The following PSMA1 variants were observed in gnomAD, a reference collection of about 807,000 sequenced individuals.
The protein encoded by PSMA1 is proteasome 20S subunit alpha 1, also known as proteasome subunit alpha type-1.
In PSMA1, 3 loss-of-function variants were observed where a neutral mutation model predicts 38.4. The ratio of observed to expected loss-of-function variants is 0.08; its 90% CI spans 0.04 to 0.20. The LOEUF is 0.20. Ranked by LOEUF, PSMA1 falls within the 10% of genes least tolerant of loss-of-function variation. The probability of loss-of-function intolerance (pLI) is 1.00; values close to 1 mark genes in which losing one functional copy is unlikely to be tolerated. For synonymous variants in PSMA1, 101 were observed against 107.1 expected (o/e 0.94, Z 0.35); for missense variants, 227 against 325.3 (o/e 0.70, Z 2.32).
At chr11:14,600,294 A>G (rs1470667958) in intron 2 of PSMA1, among the ~76,000 whole-genome samples, 3 of 152,160 alleles carry the variant, frequency 2.0e-5, no homozygotes, top group Non-Finnish European at 4.4e-5. Context: ...TGAGACAGGG[A>G]CGTTTAAGTC....
At chr11:14,591,840 C>T (rs1021919218) in intron 2 of PSMA1, among the ~76,000 whole-genome samples, 3 of 152,142 alleles carry the variant, frequency 2.0e-5, no homozygotes, top group African/African-American at 7.2e-5. Flanking sequence ...GCAGGCTGCC[C>T]CAGCCAGCAG....
intron 9 of PSMA1, among the ~76,000 whole-genome samples, chr11:14,507,302 G>A (rs929098416): frequency 6.6e-6 from 1 of 151,886 alleles, no homozygotes; most frequent in Non-Finnish European, 1.5e-5. Flanking sequence ...TGAGTAGCTG[G>A]GACTACAGGT....
intron 2 of PSMA1, among the ~76,000 whole-genome samples, chr11:14,607,152 C>T (rs1852653500): frequency 6.6e-6 from 1 of 152,174 alleles, no homozygotes; most frequent in Non-Finnish European, 1.5e-5. Flanking sequence ...GAGAGGTTGG[C>T]AGAGAGCCGA....
intron 1 of PSMA1, among the ~76,000 whole-genome samples, chr11:14,621,556 C>T (rs1447509817): frequency 6.6e-6 from 1 of 152,156 alleles, no homozygotes; most frequent in Non-Finnish European, 1.5e-5. Context: ...CAGGCATGAG[C>T]CACCACATTT....
At chr11:14,629,214 T>G (rs1003240643) in intron 1 of PSMA1, among the ~76,000 whole-genome samples, 113 of 152,300 alleles carry the variant, frequency 7.4e-4, no homozygotes, top group African/African-American at 2.5e-3. Context: ...GCCATTGCTT[T>G]TGGTGTTTTA....
At position 14,513,589 on chromosome 11, in the gene PSMA1, A is replaced by T; in HGVS notation, c.525T>A (p.His175Gln). ...ACTTACACTCCATAAATTCAGACAT[A>T]TGTCTCTCCAAGTAAGTACGAGCTG... ...SQSARTYLER[H>Q]MSEFMECNLN... The change falls in exon 7 of 10, where the codon CAT (histidine) becomes CAA (glutamine). Residue 175 changes from histidine (H) to glutamine (Q), a missense_variant. Coordinates refer to ENST00000396394, the MANE Select transcript of PSMA1 (RefSeq NM_002786.4). 1 of 1,553,824 alleles carries T rather than the reference A, an allele frequency of 6.4e-7. No individual in the cohort carries two copies.
intron 2 of PSMA1, among the ~76,000 whole-genome samples, chr11:14,541,914 T>C (rs1474423732): frequency 6.6e-6 from 1 of 152,236 alleles, no homozygotes; most frequent in Non-Finnish European, 1.5e-5. Context: ...GCAAATATAT[T>C]GCCGCTTTTT....
chr11:14,512,702 T>C (rs1851364650), intron 7 of PSMA1, among the ~76,000 whole-genome samples: 1 of 152,184 alleles, frequency 6.6e-6, no homozygotes, highest in Non-Finnish European at 1.5e-5. Flanking sequence ...CTGGACTGTA[T>C]TTTTCCTTAA....
intron 1 of PSMA1, among the ~76,000 whole-genome samples, chr11:14,625,996 C>T (rs1852905164): frequency 6.6e-6 from 1 of 152,078 alleles, no homozygotes; most frequent in African/African-American, 2.4e-5. Flanking sequence ...ATGTAGTATA[C>T]AATGTTGACT....
chr11:14,558,284 TG>T (rs1044026363), intron 2 of PSMA1, among the ~76,000 whole-genome samples: 1 of 144,072 alleles, frequency 6.9e-6, no homozygotes, highest in African/African-American at 2.6e-5. Flanking sequence ...CTGTGCATGG[TG>T]GCACACATCT....
intron 2 of PSMA1, among the ~76,000 whole-genome samples, chr11:14,568,053 G>C (rs1365796070): frequency 6.6e-6 from 1 of 152,150 alleles, no homozygotes; most frequent in Non-Finnish European, 1.5e-5. Context: ...GTGACCAGAG[G>C]CTTGCAGGAA....
intron 1 of PSMA1, among the ~76,000 whole-genome samples, chr11:14,614,131 CAA>C (rs2134200022): frequency 6.6e-6 from 1 of 151,936 alleles, no homozygotes; most frequent in African/African-American, 2.4e-5. Context: ...ACAAAATAAC[CAA>C]GTGTTAAATA....
At chr11:14,541,424 G>A (rs770799534) in intron 2 of PSMA1, among the ~76,000 whole-genome samples, 6 of 152,304 alleles carry the variant, frequency 3.9e-5, no homozygotes, top group Non-Finnish European at 8.8e-5. Context: ...TTGTGCAGGC[G>A]CACACAGAAC....
chr11:14,518,654 A>G (rs374670147), intron 2 of PSMA1, among the ~76,000 whole-genome samples: 3 of 152,044 alleles, frequency 2.0e-5, no homozygotes, highest in Non-Finnish European at 4.4e-5. Flanking sequence ...CTCAACCTAC[A>G]TATTTGCTAC....
At chr11:14,551,386 T>G (rs982899804) in intron 2 of PSMA1, among the ~76,000 whole-genome samples, 1 of 152,208 alleles carries the variant, frequency 6.6e-6, no homozygotes. Flanking sequence ...AAAATCATCC[T>G]GAAGAGACAT....
At chr11:14,618,655 T>G (rs1852804783) in intron 1 of PSMA1, among the ~76,000 whole-genome samples, 1 of 152,238 alleles carries the variant, frequency 6.6e-6, no homozygotes, top group East Asian at 1.9e-4. Flanking sequence ...CCTACTGCAT[T>G]ACATTATAGA....
intron 1 of PSMA1, among the ~76,000 whole-genome samples, chr11:14,627,938 G>A (rs1485854581): frequency 6.6e-6 from 1 of 152,026 alleles, no homozygotes; most frequent in Admixed American, 6.6e-5. Context: ...TTAGGACAGG[G>A]ATCCTCAACC....
chr11:14,589,546 C>T (rs185594450), intron 2 of PSMA1, among the ~76,000 whole-genome samples: 1 of 151,886 alleles, frequency 6.6e-6, no homozygotes, highest in Non-Finnish European at 1.5e-5. Context: ...TGTACTGTTA[C>T]TCCCCAGACC....
Position 14,600,638 on chromosome 11 carries a change from G to A in PSMA1, c.21+10328C>T, listed in dbSNP as rs572747961. On this transcript the variant is annotated intron_variant, in intron 2 of 10. Coordinates refer to the PSMA1 transcript ENST00000418988. ...GAGCGGGAGTGTCCCATTTTCCCAG[G>A]TAGTCTGTCATGGCTTCCCTTGGCT... Among the ~76,000 whole-genome samples, 3 of 152,326 alleles carry A rather than the reference G, an allele frequency of 2.0e-5. No individual in the cohort carries two copies. In the South Asian group the frequency reaches 6.2e-4, roughly 32 times the overall value.
Sources: allele counts gnomAD v4.1 joint callset (sites outside exome capture counted in the v4.1 genomes callset), GRCh38; gene constraint gnomAD v4.1.1; transcripts MANE v1.5; gene names NCBI Gene and HGNC (gene_info 2026-07-23, HGNC 2026-07-21).